Variants in ARHGEF18 observed in about 807,000 individuals in gnomAD.
The protein encoded by ARHGEF18 is rho guanine nucleotide exchange factor 18.
A neutral mutation model predicts 155.7 loss-of-function variants in ARHGEF18; 93 were observed. The observed-to-expected ratio is 0.60, with a 90% CI of 0.50 to 0.71. The LOEUF (loss-of-function observed/expected upper bound fraction) is 0.71, where lower values mean the gene tolerates loss of function less well. Among genes scored for constraint, ARHGEF18 ranks in the 30% least tolerant of loss-of-function variants. The pLI, the probability that ARHGEF18 is intolerant of heterozygous loss-of-function variation, is 0.00. For missense variants in ARHGEF18, 1,593 were observed against 1,816.1 expected (o/e 0.88, Z 2.23); for synonymous variants, 742 against 753.1 (o/e 0.99, Z 0.24).
At chr19:7,430,292 C>T (rs1973882232) in intron 10 of ARHGEF18, among the ~76,000 whole-genome samples, 1 of 152,060 alleles carries the variant, frequency 6.6e-6, no homozygotes, top group African/African-American at 2.4e-5. Context: ...GCCTCAAGGT[C>T]CCAGGCTCAA....
At chr19:7,380,728 T>C (rs1189529331) in intron 7 of ARHGEF18, among the ~76,000 whole-genome samples, 189 bp from the exon 8 acceptor site, 1 of 152,116 alleles carries the variant, frequency 6.6e-6, no homozygotes, top group Non-Finnish European at 1.5e-5. Flanking sequence ...CTGATTTTGT[T>C]TAGCCAAGAC....
intron 16 of ARHGEF18, among the ~76,000 whole-genome samples, chr19:7,451,703 A>C (rs1159721459): frequency 1.3e-5 from 2 of 151,990 alleles, no homozygotes; most frequent in African/African-American, 2.4e-5. Flanking sequence ...GGCATGAGCC[A>C]TCACATCTGG....
rs1977031730 is a variant in ARHGEF18, at chr19:7,471,732, A to T, written c.*1434A>T. On this transcript the variant is annotated 3_prime_UTR_variant, in exon 29 of 29. Coordinates refer to ENST00000668164, the MANE Select transcript of ARHGEF18 (RefSeq NM_001367823.1). The surrounding 1 kb of genome is among the most constrained non-coding windows in gnomAD (Gnocchi z 4.4). ...TCCATCAGGAAGTGCTCCCCTGGGCAGAGGCGCCCACTGGGTGCTGTGGGC... is the reference window on the plus strand; with the variant it reads ...TCCATCAGGAAGTGCTCCCCTGGGCTGAGGCGCCCACTGGGTGCTGTGGGC... The T allele has an allele frequency of 6.6e-6, 1 of 152,408 alleles. No homozygotes were observed. Among genetic ancestry groups the T allele is most frequent in the Non-Finnish European group, 1.5e-5 (1 of 68,100 alleles). 9.4% of individuals were successfully genotyped at this position (152,408 alleles called of 1,614,324 possible).
chr19:7,453,720 A>G lies in ARHGEF18; in HGVS notation c.2104+5A>G. ...CCACATCAGGGCGCTTGAAAGGTAAAGGCCTGCCCCTGCCCACCTCTAGTG... is the reference window on the plus strand; with the variant it reads ...CCACATCAGGGCGCTTGAAAGGTAAGGGCCTGCCCCTGCCCACCTCTAGTG... On this transcript the variant is annotated splice_donor_5th_base_variant and intron_variant, in intron 17 of 28. Coordinates refer to ENST00000668164, the MANE Select transcript of ARHGEF18 (RefSeq NM_001367823.1). 6.5e-7 allele frequency: 1 copy of G among 1,541,804 alleles called. No individual in the cohort carries two copies. The highest frequency in any genetic ancestry group is 8.8e-7 in the Non-Finnish European group (1 of 1,142,382).
Position 7,412,071 on chromosome 19 carries a change from T to A in ARHGEF18, c.968-28273T>A, listed in dbSNP as rs148979332. Reference sequence around the variant, plus strand: ...TTTTTTTTGAGATGGAGTCTCGCTCTGTCACGCAGGCTGCAGTGCAGTGGC... The same window carrying A: ...TTTTTTTTGAGATGGAGTCTCGCTCAGTCACGCAGGCTGCAGTGCAGTGGC... On this transcript the variant is annotated intron_variant, in intron 10 of 28. Transcript: ENST00000668164. 2.0e-5 allele frequency among the ~76,000 whole-genome samples: 3 copies of A among 151,852 alleles called. No individual in the cohort carries two copies. In the East Asian group the frequency reaches 5.8e-4, roughly 30 times the overall value.
intron 2 of ARHGEF18, among the ~76,000 whole-genome samples, chr19:7,369,020 G>A (rs1366594759): frequency 6.6e-6 from 1 of 152,196 alleles, no homozygotes; most frequent in East Asian, 1.9e-4. Context: ...ACAGCAGAGT[G>A]AGTCCTTAGG....
chr19:7,411,390 T>G (rs76421907), intron 10 of ARHGEF18, among the ~76,000 whole-genome samples: 5,419 of 150,390 alleles, frequency 0.036, 290 homozygotes, highest in East Asian at 0.2. Flanking sequence ...CACTGCAACC[T>G]CCACCTCCCA....
chr19:7,356,220 TA>T (rs1289049436), intron 1 of ARHGEF18, among the ~76,000 whole-genome samples: 1 of 151,774 alleles, frequency 6.6e-6, no homozygotes, highest in Non-Finnish European at 1.5e-5. Flanking sequence ...CAGCCTTTAT[TA>T]TGTCATCAAA....
Position 7,468,816 on chromosome 19 carries a change from T to G in ARHGEF18, c.3481-9T>G. 6.5e-7 allele frequency: 1 copy of G among 1,535,742 alleles called. No individual in the cohort carries two copies. The highest frequency in any genetic ancestry group is 8.8e-7 in the Non-Finnish European group (1 of 1,135,856). On this transcript the variant is annotated splice_polypyrimidine_tract_variant and intron_variant, in intron 26 of 28. Transcript: ENST00000668164. The stretch of plus-strand genomic sequence containing the variant: ...CTCACATTGGATGTATCTGCTGTTG[T>G]CCCCTCAGGCCCAGCCCCCAAGCCA...
intron 10 of ARHGEF18, among the ~76,000 whole-genome samples, chr19:7,416,751 C>T (rs553030197): frequency 9.3e-5 from 14 of 150,436 alleles, no homozygotes; most frequent in African/African-American, 3.4e-4. Context: ...TACAGGTGCC[C>T]GCCACCACGC....
intron 14 of ARHGEF18, among the ~76,000 whole-genome samples, chr19:7,446,575 T>C (rs1235685744): frequency 6.6e-6 from 1 of 151,758 alleles, no homozygotes; most frequent in Non-Finnish European, 1.5e-5. Flanking sequence ...ACCTGGTCTC[T>C]ACTAAAAATA....
At chr19:7,385,819 A>ATCCC (rs1970982295) in intron 10 of ARHGEF18, among the ~76,000 whole-genome samples, 1 of 89,328 alleles carries the variant, frequency 1.1e-5, no homozygotes, top group African/African-American at 6.5e-5. Flanking sequence ...TAGAGATAGG[A>ATCCC]TCTATCTCTC....
intron 10 of ARHGEF18, among the ~76,000 whole-genome samples, chr19:7,402,894 T>A (rs893263387): frequency 6.6e-6 from 1 of 152,178 alleles, no homozygotes; most frequent in African/African-American, 2.4e-5. Context: ...CTTGACCAGC[T>A]GCTGCTGGCC....
At chr19:7,397,097 GA>G (rs35973104) in intron 10 of ARHGEF18, among the ~76,000 whole-genome samples, 11,926 of 62,256 alleles carry the variant, frequency 0.19, 1,014 homozygotes, top group African/African-American at 0.35. Flanking sequence ...GCCTTTTTGC[GA>G]AAAAAAAAAA....
chr19:7,422,716 C>CTTT (rs67634093), intron 10 of ARHGEF18, among the ~76,000 whole-genome samples: 41 of 111,208 alleles, frequency 3.7e-4, no homozygotes, highest in Admixed American at 6.8e-4. Context: ...TCTAACTTTT[C>CTTT]TTTTTTTTTT....
chr19:7,427,917 C>G (rs1383918676), intron 10 of ARHGEF18, among the ~76,000 whole-genome samples: 1 of 151,808 alleles, frequency 6.6e-6, no homozygotes, highest in African/African-American at 2.4e-5. Context: ...GTACTCCAGC[C>G]TGGATGACAG....
In ARHGEF18 at chr19:7,470,226, T is replaced by A. The variant is rs1342793878; in HGVS notation, c.4014T>A (p.Ala1338=). 3.1e-6 allele frequency: 5 copies of A among 1,608,414 alleles called. No homozygotes were observed. The highest frequency in any genetic ancestry group is 4.5e-5 in the East Asian group (2 of 44,538). The stretch of plus-strand genomic sequence containing the variant: ...CAGCCCTCCTGCCCGGGCCCCCAGC[T>A]CCCTCGCCACTGCCGGCCACACCAC... ...GGTALLPGPP[A]PSPLPATPLS... The change falls in exon 29 of 29, where the codon GCT becomes GCA. Residue 1338 remains alanine (A), a synonymous_variant. Coordinates refer to ENST00000668164, the MANE Select transcript of ARHGEF18 (RefSeq NM_001367823.1). The surrounding 1 kb of genome is among the most constrained non-coding windows in gnomAD (Gnocchi z 5.9).
rs1251079181 is a variant in ARHGEF18 at position 7,440,152 on chromosome 19, G to A, written c.968-192G>A. On this transcript the variant is annotated intron_variant, in intron 10 of 28. Coordinates refer to ENST00000668164, the MANE Select transcript of ARHGEF18 (RefSeq NM_001367823.1). The surrounding 1 kb of genome is among the most constrained non-coding windows in gnomAD (Gnocchi z 5.4). ...GGGGACAGGCACAGCGCGCTCCCCGGCCGCCCCGAGCTGTCTTTTTACGGC... is the reference window on the plus strand; with the variant it reads ...GGGGACAGGCACAGCGCGCTCCCCGACCGCCCCGAGCTGTCTTTTTACGGC... The A allele has an allele frequency of 6.4e-7, 1 of 1,551,346 alleles. No homozygotes were observed. Among genetic ancestry groups the A allele is most frequent in the Non-Finnish European group, 8.7e-7 (1 of 1,146,934 alleles).
the ARHGEF18 span, chr19:7,478,357 TCAG>T: frequency 6.2e-7 from 1 of 1,611,206 alleles, no homozygotes; most frequent in Non-Finnish European, 8.5e-7. Flanking sequence ...TGTCTCAGTT[TCAG>T]CAGCATCCAC....
Sources: allele counts gnomAD v4.1 joint callset (sites outside exome capture counted in the v4.1 genomes callset), GRCh38; gene constraint gnomAD v4.1.1; non-coding constraint Gnocchi (gnomAD v3.1); transcripts MANE v1.5; gene names NCBI Gene and HGNC (gene_info 2026-07-23, HGNC 2026-07-21).